The following TUT7 variants were observed in gnomAD, a reference collection of about 807,000 sequenced individuals.
TUT7 encodes the protein terminal uridylyltransferase 7.
Under a neutral mutation model 165.9 loss-of-function variants are expected in TUT7, and 33 were observed. The ratio of observed to expected loss-of-function variants is 0.20; its 90% confidence interval spans 0.15 to 0.27. TUT7 has a LOEUF of 0.27. Ranked by LOEUF, TUT7 falls within the 10% of genes least tolerant of loss-of-function variation. The pLI is 1.00. For missense variants in TUT7, 1,338 were observed against 1,762.3 expected (o/e 0.76, Z 4.31); for synonymous variants, 552 against 608.1 (o/e 0.91, Z 1.36).
intron 17 of TUT7, among the ~76,000 whole-genome samples, chr9:86,315,802 TA>T (rs1006523967): frequency 3.9e-5 from 6 of 152,038 alleles, no homozygotes; most frequent in Admixed American, 3.9e-4. Flanking sequence ...AATGTACATT[TA>T]AAAAAACAAA....
At chr9:86,310,901 C>T in intron 17 of TUT7, 92 bp from the exon 18 acceptor site, 1 of 738,700 alleles carries the variant, frequency 1.4e-6, no homozygotes, top group Non-Finnish European at 2.3e-6. Flanking sequence ...ATGGTGTAAA[C>T]CTAACTTTGG....
Position 86,344,999 on chromosome 9 carries a change from AT to A in TUT7, c.974del (p.Asn325MetfsTer12). ...TACCTGGTAACTTGTGTTGGAACAC[AT>A]TTTCCATGATACGTTTAATTTCCAG... is the stretch of plus-strand genomic sequence containing the variant. ...QRLEIKRIMENVFQHKLPDCS... is the reference protein window; with the variant it reads ...QRLEIKRIMEXVFQHKLPDCS... On this transcript the variant is annotated frameshift_variant, in exon 5 of 27. Coordinates refer to ENST00000375963, the MANE Select transcript of TUT7 (RefSeq NM_024617.4). LOFTEE classifies it high-confidence loss of function. The A allele has an allele frequency of 6.2e-7, 1 of 1,612,474 alleles. No individual in the cohort carries two copies. The highest frequency in any genetic ancestry group is 1.7e-5 in the Admixed American group (1 of 59,754).
At position 86,310,121 on chromosome 9, in the gene TUT7, G is replaced by A. The variant is rs1202635371; in HGVS notation, c.3379-104C>T. ...AATAATGGAGATGGGATCTCACTAT[G>A]TTGCCCAGGCTGGTCATGAACTCCT... On this transcript the variant is annotated intron_variant, in intron 18 of 26. Coordinates refer to ENST00000375963, the MANE Select transcript of TUT7 (RefSeq NM_024617.4). 3 of 961,328 alleles carry A rather than the reference G, an allele frequency of 3.1e-6. No homozygotes were observed. The Admixed American group carries it at 7.9e-5, about 25-fold the overall frequency. The allele number at this position is 961,328 out of a possible 1,614,324, so 59.5% of individuals were successfully genotyped here. A position where few individuals can be genotyped will look rare whatever the true frequency, so the allele number is the denominator to read the frequency against.
At chr9:86,319,473 T>C (rs760279393) in intron 15 of TUT7, 111 bp downstream of exon 15, 40 of 774,314 alleles carry the variant, frequency 5.2e-5, no homozygotes, top group Non-Finnish European at 7.5e-5. Flanking sequence ...CTGGGTATAT[T>C]GCAAAACAAT....
At position 86,322,316 on chromosome 9, in the gene TUT7, A is replaced by G. The variant is rs923657809; in HGVS notation, c.3028+9T>C. ...TTTTGACAAATCAAAAGAAATGTGA[A>G]TAACTTACTATAACACTGGATACAG... On this transcript the variant is annotated intron_variant, in intron 14 of 26. Coordinates refer to ENST00000375963, the MANE Select transcript of TUT7 (RefSeq NM_024617.4). 1.1e-5 allele frequency: 17 copies of G among 1,603,164 alleles called. No individual in the cohort carries two copies. Among genetic ancestry groups the G allele is most frequent in the East Asian group, 2.2e-5 (1 of 44,840 alleles).
At chr9:86,328,076 G>C (rs556825507) in intron 11 of TUT7, among the ~76,000 whole-genome samples, 2 of 152,248 alleles carry the variant, frequency 1.3e-5, no homozygotes, top group African/African-American at 4.8e-5. Context: ...AGCTCTTTGA[G>C]GATAGATATG....
intron 10 of TUT7, among the ~76,000 whole-genome samples, chr9:86,329,931 A>G (rs1830157550): frequency 6.6e-6 from 1 of 152,140 alleles, no homozygotes; most frequent in Admixed American, 6.5e-5. Flanking sequence ...CACATTTATC[A>G]TTCTCTGTCC....
intron 11 of TUT7, among the ~76,000 whole-genome samples, chr9:86,325,780 G>C (rs1433535420): frequency 3.9e-5 from 6 of 152,190 alleles, no homozygotes; most frequent in Admixed American, 6.5e-5. Context: ...TAACCAGACA[G>C]AGCTCCTAAT....
rs924695730 is a variant in TUT7, at chr9:86,323,506, C to T, written c.2244G>A (p.Arg748=). The change falls in exon 13 of 27, where the codon AGG becomes AGA. Residue 748 remains arginine, a synonymous_variant. Transcript: ENST00000375963. ...GDKVYHPETG[R]KNEKEKVGRK... Reference sequence around the variant, plus strand: ...TTCCAACTTTCTCTTTCTCGTTTTTCCTTCCTGTTTCTGGATGGTATACTT... The same window carrying T: ...TTCCAACTTTCTCTTTCTCGTTTTTTCTTCCTGTTTCTGGATGGTATACTT... 1.9e-6 allele frequency: 3 copies of T among 1,614,236 alleles called. No homozygotes were observed. The Admixed American group carries it at 5.0e-5, about 27-fold the overall frequency.
intron 10 of TUT7, among the ~76,000 whole-genome samples, chr9:86,334,590 T>A (rs1037066546): frequency 1.3e-5 from 2 of 152,170 alleles, no homozygotes; most frequent in Non-Finnish European, 2.9e-5. Context: ...GTCTGATGGA[T>A]CCAAAAAGAA....
At chr9:86,309,641 G>A in intron 19 of TUT7, 65 bp from the exon 20 acceptor site, 1 of 1,312,246 alleles carries the variant, frequency 7.6e-7, no homozygotes, top group Non-Finnish European at 1.1e-6. Context: ...CATCCATTCT[G>A]TTATCACTAA....
Position 86,354,265 on chromosome 9 carries a change from A to G in TUT7, c.-32+6T>C, listed in dbSNP as rs575616290. 6.5e-6 allele frequency: 1 copy of G among 152,946 alleles called. No individual in the cohort carries two copies. Among genetic ancestry groups the G allele is most frequent in the South Asian group, 2.1e-4 (1 of 4,834 alleles). 9.5% of individuals were successfully genotyped at this position (152,946 alleles called of 1,614,324 possible). ...AGGAGGCCGGCGGGGGATGGAACCA[A>G]CGTACCTCCGGGGCCAGGCCGGACA... On this transcript the variant is annotated splice_donor_region_variant and intron_variant, in intron 1 of 26. Transcript: ENST00000375963.
intron 9 of TUT7, among the ~76,000 whole-genome samples, chr9:86,338,210 CTTTTT>C (rs1156700714): frequency 7.4e-6 from 1 of 135,384 alleles, no homozygotes; most frequent in Admixed American, 7.5e-5. Context: ...CATGGAATCT[CTTTTT>C]TTTTTTTTTT....
intron 2 of TUT7, among the ~76,000 whole-genome samples, chr9:86,349,987 A>T (rs1041775061): frequency 3.3e-5 from 5 of 152,206 alleles, no homozygotes; most frequent in African/African-American, 7.2e-5. Context: ...GTCAGCCAAC[A>T]GTTCCTTTTA....
At chr9:86,348,729 G>A (rs1347914577) in intron 2 of TUT7, among the ~76,000 whole-genome samples, 1 of 152,146 alleles carries the variant, frequency 6.6e-6, no homozygotes, top group Non-Finnish European at 1.5e-5. Context: ...TCCAGCCTGG[G>A]TGACAGAGTG....
intron 10 of TUT7, among the ~76,000 whole-genome samples, chr9:86,333,411 T>C (rs576422300): frequency 6.6e-6 from 1 of 152,364 alleles, no homozygotes; most frequent in South Asian, 2.1e-4. Flanking sequence ...TTCTTAGGTA[T>C]TTTGTTCCTT....
At chr9:86,325,578 G>C in intron 11 of TUT7, 64 bp from the exon 12 acceptor site, 2 of 1,449,800 alleles carry the variant, frequency 1.4e-6, no homozygotes, top group East Asian at 4.6e-5. Context: ...GAAAATTAAA[G>C]ATCATTTAAG....
intron 22 of TUT7, among the ~76,000 whole-genome samples, chr9:86,306,339 C>T (rs961599955): frequency 2.6e-5 from 4 of 152,132 alleles, no homozygotes; most frequent in Non-Finnish European, 4.4e-5. Context: ...ATCAGTTTAT[C>T]GAAGTATAGG....
rs754166779 is a variant in TUT7 at position 86,345,092 on chromosome 9, T to C, written c.882A>G (p.Ala294=). ...CCACTTTGTCAATGGCAATGCCAAC[T>C]GCATTTATCTGGGAGGGTGTTGGTG... ...LPPPTPSQIN[A]VGIAIDKVVQ... The change falls in exon 5 of 27, where the codon GCA becomes GCG. Residue 294 remains alanine, a synonymous_variant. Transcript: ENST00000375963. The C allele has an allele frequency of 6.2e-6, 10 of 1,613,906 alleles. 1 individual carries two copies. The South Asian group carries it at 6.6e-5, about 11-fold the overall frequency.
Sources: gnomAD v4.1 joint callset for allele counts (sites outside exome capture counted in the v4.1 genomes callset) on GRCh38, gnomAD v4.1.1 for gene constraint, MANE v1.5 for transcripts, NCBI Gene and HGNC (gene_info 2026-07-23, HGNC 2026-07-21) for gene names.